The following AGMO variants were observed in gnomAD, a reference collection of about 807,000 sequenced individuals.
AGMO encodes alkylglycerol monooxygenase.
Under a neutral mutation model 60.2 loss-of-function variants are expected in AGMO, and 75 were observed. The observed-to-expected ratio is 1.25, with a 90% CI of 1.03 to 1.51. The LOEUF (loss-of-function observed/expected upper bound fraction) is 1.51. Among genes scored for constraint, AGMO ranks in the 40% most tolerant of loss-of-function variants. The probability of loss-of-function intolerance (pLI) is 0.00; values close to 1 mark genes in which losing one functional copy is unlikely to be tolerated. For missense variants in AGMO, 763 were observed against 525.5 expected (o/e 1.45, Z -4.42); for synonymous variants, 261 against 177.1 (o/e 1.47, Z -3.76).
chr7:15,485,627 G>T (rs981404549), intron 3 of AGMO, among the ~76,000 whole-genome samples: 4 of 152,062 alleles, frequency 2.6e-5, no homozygotes, highest in Admixed American at 1.3e-4. Context: ...CCATGTTTGC[G>T]GGGGAGTCTT....
the AGMO span, among the ~76,000 whole-genome samples, chr7:15,176,340 T>G: frequency 6.6e-6 from 1 of 152,070 alleles, no homozygotes; most frequent in Admixed American, 6.6e-5. Context: ...GATCTACAAC[T>G]GACTCAGTTT....
At chr7:15,291,254 C>T (rs940908535) in intron 12 of AGMO, among the ~76,000 whole-genome samples, 3 of 152,136 alleles carry the variant, frequency 2.0e-5, no homozygotes, top group African/African-American at 7.2e-5. Flanking sequence ...AATATTAACT[C>T]ACACATACAT....
intron 3 of AGMO, among the ~76,000 whole-genome samples, chr7:15,462,207 G>C (rs796602755): frequency 3.7e-4 from 57 of 152,152 alleles, no homozygotes; most frequent in African/African-American, 1.3e-3. Context: ...TTATTCCCCG[G>C]TACCCTAAAG....
At chr7:15,406,400 CAT>C (rs1346334967) in intron 5 of AGMO, among the ~76,000 whole-genome samples, 1 of 133,298 alleles carries the variant, frequency 7.5e-6, no homozygotes, top group Admixed American at 7.6e-5. Flanking sequence ...ATATGTATTC[CAT>C]ATGTGTATAT....
intron 12 of AGMO, among the ~76,000 whole-genome samples, chr7:15,318,097 T>C (rs1202553655): frequency 1.3e-5 from 2 of 151,318 alleles, no homozygotes; most frequent in African/African-American, 4.9e-5. Flanking sequence ...TCTCTGCCTC[T>C]GGGGTTCAAA....
chr7:15,173,801 G>GT, the AGMO span, among the ~76,000 whole-genome samples: 96 of 142,644 alleles, frequency 6.7e-4, no homozygotes, highest in East Asian at 3.7e-3. Flanking sequence ...TTAAAGAAAG[G>GT]TTTTTTTTTT....
At chr7:15,184,423 A>AGGG in the AGMO span, among the ~76,000 whole-genome samples, 1 of 130,316 alleles carries the variant, frequency 7.7e-6, no homozygotes, top group African/African-American at 2.9e-5. Flanking sequence ...GAAGGAAGGA[A>AGGG]AAGAAGGAAG....
chr7:15,418,541 AT>A lies in AGMO; in HGVS notation c.609+16del, dbSNP rs1562497471. 1 of 1,498,238 alleles carries A rather than the reference AT, an allele frequency of 6.7e-7. No individual in the cohort carries two copies. Among genetic ancestry groups the A allele is most frequent in the African/African-American group, 1.4e-5 (1 of 70,614 alleles). 92.8% of individuals were successfully genotyped at this position (1,498,238 alleles called of 1,614,324 possible). On this transcript the variant is annotated intron_variant, in intron 5 of 12. Coordinates refer to ENST00000342526, the MANE Select transcript of AGMO (RefSeq NM_001004320.2). ...CTGTTTAGGTATAAAACTTACAAAG[AT>A]AAAAAAAAGTTTTACCTCTGTATGG... is the stretch of plus-strand genomic sequence containing the variant.
At chr7:15,421,636 G>C (rs1220509030) in intron 4 of AGMO, among the ~76,000 whole-genome samples, 4 of 152,072 alleles carry the variant, frequency 2.6e-5, no homozygotes, top group African/African-American at 7.2e-5. Context: ...TTGTCTGTTG[G>C]TGATATTGTT....
chr7:15,257,902 G>A (rs1456198644), intron 12 of AGMO, among the ~76,000 whole-genome samples: 1 of 152,086 alleles, frequency 6.6e-6, no homozygotes, highest in Non-Finnish European at 1.5e-5. Flanking sequence ...GCTTCTTAGA[G>A]CCACACCCAA....
At chr7:15,379,425 G>A (rs923838545) in intron 10 of AGMO, among the ~76,000 whole-genome samples, 9 of 151,886 alleles carry the variant, frequency 5.9e-5, no homozygotes, top group African/African-American at 1.5e-4. Flanking sequence ...AAAACAAGGA[G>A]GTTATTATCA....
intron 3 of AGMO, among the ~76,000 whole-genome samples, chr7:15,448,676 C>T (rs1311534015): frequency 6.6e-6 from 1 of 150,432 alleles, no homozygotes; most frequent in Non-Finnish European, 1.5e-5. Context: ...AAAATTCTGC[C>T]ATAATTTTAA....
intron 12 of AGMO, among the ~76,000 whole-genome samples, chr7:15,205,460 A>C (rs1230712074): frequency 6.6e-6 from 1 of 152,204 alleles, no homozygotes; most frequent in Non-Finnish European, 1.5e-5. Context: ...TTAAAATAGA[A>C]AACATTCATT....
intron 12 of AGMO, among the ~76,000 whole-genome samples, chr7:15,211,188 A>AT (rs1012206731): frequency 2.6e-5 from 4 of 152,030 alleles, no homozygotes. Flanking sequence ...AGCTTCCCTG[A>AT]TTTTTCACAG....
chr7:15,557,958 A>G (rs1785192175), intron 2 of AGMO, among the ~76,000 whole-genome samples: 1 of 151,008 alleles, frequency 6.6e-6, no homozygotes, highest in South Asian at 2.1e-4. Flanking sequence ...CTCATGTTCT[A>G]TCCCTGAAGG....
chr7:15,408,891 G>A (rs1776973569), intron 5 of AGMO, among the ~76,000 whole-genome samples: 1 of 151,784 alleles, frequency 6.6e-6, no homozygotes, highest in South Asian at 2.1e-4. Flanking sequence ...TCTTAACAGG[G>A]GAAACATTTT....
At chr7:15,282,025 A>C (rs1227060491) in intron 12 of AGMO, among the ~76,000 whole-genome samples, 1 of 152,198 alleles carries the variant, frequency 6.6e-6, no homozygotes, top group Non-Finnish European at 1.5e-5. Flanking sequence ...ATCTGCTATA[A>C]AAATTAAATT....
At chr7:15,482,965 C>A (rs1401928386) in intron 3 of AGMO, among the ~76,000 whole-genome samples, 1 of 152,058 alleles carries the variant, frequency 6.6e-6, no homozygotes. Flanking sequence ...AAATTTGGAA[C>A]AAAGGTAATT....
chr7:15,181,675 T>G, the AGMO span, among the ~76,000 whole-genome samples: 1 of 152,158 alleles, frequency 6.6e-6, no homozygotes, highest in Non-Finnish European at 1.5e-5. Flanking sequence ...ACTTTAATAT[T>G]CACTATAACG....
Sources: allele counts gnomAD v4.1 joint callset (sites outside exome capture counted in the v4.1 genomes callset), GRCh38; gene constraint gnomAD v4.1.1; transcripts MANE v1.5; gene names NCBI Gene and HGNC (gene_info 2026-07-23, HGNC 2026-07-21).